Variants in LOC128706665 observed in about 807,000 individuals in gnomAD.
At chr20:10,428,215 C>CTGAGAAAGT in the LOC128706665 span, among the ~76,000 whole-genome samples, 1 of 152,180 alleles carries the variant, frequency 6.6e-6, no homozygotes, top group Admixed American at 6.5e-5. Flanking sequence ...TCTGAGAATC[C>CTGAGAAAGT]TGTCCCCTTT....
chr20:10,420,222 G>T, the LOC128706665 span, among the ~76,000 whole-genome samples: 1 of 152,142 alleles, frequency 6.6e-6, no homozygotes, highest in South Asian at 2.1e-4. Flanking sequence ...TATAAATTTG[G>T]ACTTTTGTGA....
the LOC128706665 span, chr20:10,431,777 T>TA: frequency 6.6e-6 from 1 of 152,242 alleles, no homozygotes; most frequent in Non-Finnish European, 1.5e-5. Context: ...TCTTCTCTGC[T>TA]ATATTCCTAG....
At chr20:10,426,614 G>A in the LOC128706665 span, among the ~76,000 whole-genome samples, 1 of 152,176 alleles carries the variant, frequency 6.6e-6, no homozygotes, top group Non-Finnish European at 1.5e-5. Flanking sequence ...GCCCAGGCTG[G>A]TCTCAACTCC....
chr20:10,432,756 C>G, the LOC128706665 span, among the ~76,000 whole-genome samples: 16 of 131,716 alleles, frequency 1.2e-4, no homozygotes, highest in East Asian at 2.2e-3. Context: ...AGAGATCCAG[C>G]TTCAGCCTGC....
At chr20:10,429,194 A>G in the LOC128706665 span, among the ~76,000 whole-genome samples, 8 of 152,294 alleles carry the variant, frequency 5.3e-5, no homozygotes, top group East Asian at 1.5e-3. Context: ...TCTCCATGGA[A>G]AGTGTTCTGA....
the LOC128706665 span, among the ~76,000 whole-genome samples, chr20:10,429,793 G>C: frequency 3.3e-5 from 5 of 152,102 alleles, no homozygotes; most frequent in Admixed American, 6.5e-5. Flanking sequence ...AATTCCAGTA[G>C]TTCTCAAACT....
chr20:10,417,246 A>AAT, the LOC128706665 span, among the ~76,000 whole-genome samples: 2 of 716 alleles, frequency 2.8e-3, no homozygotes, highest in Admixed American at 0.026. Flanking sequence ...ACTCCATCTT[A>AAT]AAAAAAAAAA....
chr20:10,433,756 G>A, the LOC128706665 span, among the ~76,000 whole-genome samples: 21 of 152,188 alleles, frequency 1.4e-4, no homozygotes, highest in African/African-American at 4.6e-4. Context: ...GGGCACACGG[G>A]GCCCCTCCCA....
chr20:10,421,191 A>T, the LOC128706665 span, among the ~76,000 whole-genome samples: 2 of 152,266 alleles, frequency 1.3e-5, no homozygotes, highest in Admixed American at 1.3e-4. Flanking sequence ...GCACTTTGGG[A>T]GGCTGAGGCA....
chr20:10,416,613 A>G, the LOC128706665 span, among the ~76,000 whole-genome samples: 2 of 152,370 alleles, frequency 1.3e-5, no homozygotes, highest in Admixed American at 6.5e-5. Flanking sequence ...AAAGGGAATT[A>G]CAGGGATAAA....
At chr20:10,433,089 C>T in the LOC128706665 span, among the ~76,000 whole-genome samples, 3 of 152,220 alleles carry the variant, frequency 2.0e-5, no homozygotes, top group African/African-American at 7.2e-5. Flanking sequence ...CCGCAACCTC[C>T]GCCTCCAGGG....
chr20:10,422,260 T>C, the LOC128706665 span, among the ~76,000 whole-genome samples: 21,746 of 152,182 alleles, frequency 0.14, 1,738 homozygotes, highest in East Asian at 0.24. Flanking sequence ...AAACACGACC[T>C]GCTTTGTAAA....
At chr20:10,428,565 G>A in the LOC128706665 span, among the ~76,000 whole-genome samples, 5 of 152,162 alleles carry the variant, frequency 3.3e-5, no homozygotes, top group Admixed American at 2.6e-4. Context: ...TCAGCTGGGC[G>A]CGGTGGCTCA....
the LOC128706665 span, among the ~76,000 whole-genome samples, chr20:10,425,681 G>A: frequency 4.7e-4 from 72 of 152,172 alleles, no homozygotes; most frequent in Non-Finnish European, 1.9e-4. Flanking sequence ...GATTTCTCAA[G>A]AATAAGCTCA....
the LOC128706665 span, among the ~76,000 whole-genome samples, chr20:10,416,328 A>C: frequency 4.6e-5 from 7 of 152,194 alleles, no homozygotes; most frequent in African/African-American, 1.7e-4. Flanking sequence ...TATAGGTATG[A>C]GGTAAGAAAT....
At chr20:10,419,947 C>T in the LOC128706665 span, among the ~76,000 whole-genome samples, 6 of 152,188 alleles carry the variant, frequency 3.9e-5, no homozygotes, top group South Asian at 8.3e-4. Context: ...GACAACTGCA[C>T]TGCAAATTGC....
At chr20:10,420,414 A>T in the LOC128706665 span, 2 of 152,206 alleles carry the variant, frequency 1.3e-5, no homozygotes, top group African/African-American at 4.8e-5. Context: ...GTCACAATAA[A>T]AACAACAGGT....
chr20:10,420,364 C>T, the LOC128706665 span, among the ~76,000 whole-genome samples: 16 of 152,288 alleles, frequency 1.1e-4, no homozygotes, highest in Non-Finnish European at 2.2e-4. Context: ...GCACAACGAA[C>T]TTTTCTAGAA....
At chr20:10,416,895 T>C in the LOC128706665 span, among the ~76,000 whole-genome samples, 5 of 152,304 alleles carry the variant, frequency 3.3e-5, no homozygotes, top group African/African-American at 1.2e-4. Context: ...TGAGTGCTTT[T>C]ACACTACAAC....
Sources: allele counts gnomAD v4.1 joint callset (sites outside exome capture counted in the v4.1 genomes callset), GRCh38; gene constraint gnomAD v4.1.1; transcripts MANE v1.5.